Variants in TRHDE observed in about 807,000 individuals in gnomAD.
TRHDE encodes thyrotropin releasing hormone degrading enzyme.
A neutral mutation model predicts 125.7 loss-of-function variants in TRHDE; 72 were observed. The ratio of observed to expected loss-of-function variants is 0.57; its 90% CI spans 0.47 to 0.70. The LOEUF is 0.70. Among genes scored for constraint, TRHDE ranks in the 30% least tolerant of loss-of-function variants. The pLI is 0.00. For missense variants in TRHDE, 1,110 were observed against 1,327.1 expected (o/e 0.84, Z 2.54); for synonymous variants, 509 against 509.1 (o/e 1.00, Z 0.00).
At chr12:72,485,821 G>C (rs1203174890) in intron 5 of TRHDE, among the ~76,000 whole-genome samples, 1 of 152,122 alleles carries the variant, frequency 6.6e-6, no homozygotes, top group Non-Finnish European at 1.5e-5. Context: ...GGCTGAGTAG[G>C]TGCCCTGCTT....
At chr12:72,561,175 C>A (rs1419047336) in intron 7 of TRHDE, among the ~76,000 whole-genome samples, 3 of 152,186 alleles carry the variant, frequency 2.0e-5, no homozygotes, top group African/African-American at 7.2e-5. Flanking sequence ...CCAACAAAAG[C>A]TGAACCTGTC....
chr12:72,261,815 A>G (rs1227867539), intron 2 of TRHDE, among the ~76,000 whole-genome samples: 1 of 152,210 alleles, frequency 6.6e-6, no homozygotes, highest in Non-Finnish European at 1.5e-5. Context: ...GGAATTGAAA[A>G]ATTCAAAGTG....
chr12:72,608,745 C>T (rs903238063), intron 12 of TRHDE, among the ~76,000 whole-genome samples: 1 of 152,082 alleles, frequency 6.6e-6, no homozygotes, highest in Admixed American at 6.6e-5. Flanking sequence ...CCATGGATTA[C>T]TCTCACTTCA....
At chr12:72,648,260 A>G (rs1297136440) in intron 15 of TRHDE, among the ~76,000 whole-genome samples, 4 of 152,150 alleles carry the variant, frequency 2.6e-5, no homozygotes, top group African/African-American at 9.7e-5. Context: ...AACATAATTA[A>G]GGCCATATAT....
chr12:72,628,995 A>G (rs1179995568), intron 15 of TRHDE, among the ~76,000 whole-genome samples: 1 of 151,810 alleles, frequency 6.6e-6, no homozygotes, highest in Non-Finnish European at 1.5e-5. Flanking sequence ...TTAATGACCT[A>G]CTTGAGGGAC....
chr12:72,489,904 G>A (rs973176881), intron 5 of TRHDE, among the ~76,000 whole-genome samples: 7 of 151,824 alleles, frequency 4.6e-5, no homozygotes, highest in South Asian at 4.1e-4. Flanking sequence ...TGAGAACATA[G>A]GGGAAAAACT....
chr12:72,330,129 G>C (rs951336828), intron 2 of TRHDE, among the ~76,000 whole-genome samples: 3 of 151,970 alleles, frequency 2.0e-5, no homozygotes, highest in African/African-American at 4.8e-5. Flanking sequence ...TAAATGACTT[G>C]CTTGCAAGTG....
At chr12:72,443,497 C>T (rs1242828188) in intron 3 of TRHDE, among the ~76,000 whole-genome samples, 1 of 151,316 alleles carries the variant, frequency 6.6e-6, no homozygotes, top group Non-Finnish European at 1.5e-5. Context: ...CTTTTTTTCC[C>T]TAGGATTGAG....
intron 2 of TRHDE, among the ~76,000 whole-genome samples, chr12:72,267,008 T>G (rs1411129184): frequency 6.6e-6 from 1 of 152,122 alleles, no homozygotes; most frequent in Non-Finnish European, 1.5e-5. Context: ...TTTCATTAAT[T>G]CTTCCTGCCA....
intron 1 of TRHDE, among the ~76,000 whole-genome samples, chr12:72,276,415 T>G (rs1198925163): frequency 6.6e-6 from 1 of 152,232 alleles, no homozygotes; most frequent in Admixed American, 6.5e-5. Context: ...AATACTACAG[T>G]GCAGTCCACT....
chr12:72,194,502 G>A (rs555994548), intron 2 of TRHDE, among the ~76,000 whole-genome samples: 2 of 152,068 alleles, frequency 1.3e-5, no homozygotes, highest in African/African-American at 2.4e-5. Flanking sequence ...GGGGTACTGA[G>A]CATGATACCC....
At chr12:72,429,857 T>C (rs1292240204) in intron 3 of TRHDE, among the ~76,000 whole-genome samples, 6 of 152,056 alleles carry the variant, frequency 3.9e-5, no homozygotes, top group Non-Finnish European at 7.4e-5. Context: ...ATTTTTAAAT[T>C]TTTTTATTAT....
intron 2 of TRHDE, among the ~76,000 whole-genome samples, chr12:72,370,297 C>T (rs1352486356): frequency 6.6e-6 from 1 of 152,146 alleles, no homozygotes; most frequent in Non-Finnish European, 1.5e-5. Context: ...TCTCTCCAGT[C>T]CAAACCACGG....
chr12:72,369,008 A>G (rs1433173674), intron 2 of TRHDE, among the ~76,000 whole-genome samples: 1 of 152,178 alleles, frequency 6.6e-6, no homozygotes, highest in Non-Finnish European at 1.5e-5. Context: ...GTGTCAGGAT[A>G]GCTGAAACTT....
intron 2 of TRHDE, among the ~76,000 whole-genome samples, chr12:72,364,726 A>G (rs1386892477): frequency 6.6e-6 from 1 of 152,066 alleles, no homozygotes; most frequent in Non-Finnish European, 1.5e-5. Context: ...GGAAGATGGC[A>G]TTCGTCAAAG....
chr12:72,233,921 G>A (rs563991242), intron 2 of TRHDE, among the ~76,000 whole-genome samples: 1 of 152,118 alleles, frequency 6.6e-6, no homozygotes, highest in South Asian at 2.1e-4. Flanking sequence ...CCTAGCTCTA[G>A]CTGATAATAA....
At chr12:72,158,424 G>A (rs908893340) in intron 2 of TRHDE, among the ~76,000 whole-genome samples, 5 of 151,436 alleles carry the variant, frequency 3.3e-5, no homozygotes, top group African/African-American at 9.7e-5. Context: ...AGAAGAGCAG[G>A]CTCATTTGTT....
chr12:72,623,531 A>C (rs779850017), intron 15 of TRHDE, among the ~76,000 whole-genome samples: 49 of 152,106 alleles, frequency 3.2e-4, no homozygotes, highest in Non-Finnish European at 5.1e-4. Context: ...AATAATTCTC[A>C]GTACCATCTG....
rs547041275 is a variant in TRHDE, at chr12:72,398,198, G to A, written c.1315+20077G>A. On this transcript the variant is annotated intron_variant, in intron 3 of 18. Transcript: ENST00000261180. ...TTATGGCTGCATAGTATTCCATGGT[G>A]TATATGTGCCACATTTTCTTAATCC... 5.9e-5 allele frequency among the ~76,000 whole-genome samples: 9 copies of A among 152,018 alleles called. No homozygotes were observed. In the East Asian group the frequency reaches 9.7e-4, roughly 16 times the overall value.
Sources: gnomAD v4.1 joint callset for allele counts (sites outside exome capture counted in the v4.1 genomes callset) on GRCh38, gnomAD v4.1.1 for gene constraint, MANE v1.5 for transcripts, NCBI Gene and HGNC (gene_info 2026-07-23, HGNC 2026-07-21) for gene names.